RBFOX1: variants seen among roughly 807,000 people sequenced by gnomAD.
RBFOX1 encodes RNA binding protein fox-1 homolog 1.
A neutral mutation model predicts 57.7 loss-of-function variants in RBFOX1; 8 were observed. That is an observed-to-expected ratio of 0.14 (90% CI 0.08 to 0.25). The LOEUF (loss-of-function observed/expected upper bound fraction) is 0.25, where lower values mean the gene tolerates loss of function less well. RBFOX1 is among the 10% of genes least tolerant of loss of function. The probability of loss-of-function intolerance (pLI) is 1.00; values close to 1 mark genes in which losing one functional copy is unlikely to be tolerated. For synonymous variants in RBFOX1, 326 were observed against 222.4 expected (o/e 1.47, Z -4.15); for missense variants, 611 against 548.5 (o/e 1.11, Z -1.14).
At chr16:7,496,655 G>C (rs2068735312) in intron 4 of RBFOX1, among the ~76,000 whole-genome samples, 1 of 143,544 alleles carries the variant, frequency 7.0e-6, no homozygotes, top group African/African-American at 2.6e-5. Context: ...TTACTTGAAT[G>C]TATTTACATT....
intron 4 of RBFOX1, among the ~76,000 whole-genome samples, chr16:7,513,218 C>T (rs1302789468): frequency 1.3e-5 from 2 of 151,858 alleles, no homozygotes; most frequent in Non-Finnish European, 1.5e-5. Flanking sequence ...AGCCGAGAGC[C>T]TACCATTGCA....
At chr16:7,705,048 G>GA (rs36086189) in intron 14 of RBFOX1, among the ~76,000 whole-genome samples, 7 of 129,846 alleles carry the variant, frequency 5.4e-5, no homozygotes, top group African/African-American at 1.4e-4. Context: ...TGTCTCAAAA[G>GA]AAAAAAAAAA....
chr16:5,657,417 A>G (rs546621272), intron 3 of RBFOX1, among the ~76,000 whole-genome samples: 77 of 152,300 alleles, frequency 5.1e-4, no homozygotes, highest in African/African-American at 1.8e-3. Context: ...TTGGGACTGG[A>G]GTGAATAAAG....
chr16:7,270,449 C>T (rs1001080505), intron 4 of RBFOX1, among the ~76,000 whole-genome samples: 1 of 152,052 alleles, frequency 6.6e-6, no homozygotes, highest in Admixed American at 6.6e-5. Context: ...CAGATTCAGA[C>T]CTTATGGAAA....
intron 4 of RBFOX1, among the ~76,000 whole-genome samples, chr16:7,200,339 G>C (rs1434703629): frequency 1.3e-5 from 2 of 152,170 alleles, no homozygotes; most frequent in Non-Finnish European, 2.9e-5. Flanking sequence ...CCTGTCTTAT[G>C]GAAGAGCCTG....
chr16:6,598,130 C>T (rs1298815267), intron 2 of RBFOX1, among the ~76,000 whole-genome samples: 2 of 152,194 alleles, frequency 1.3e-5, no homozygotes, highest in Admixed American at 6.5e-5. Flanking sequence ...ACCAATGTAT[C>T]CACATCCGTG....
chr16:6,919,680 A>C (rs929225140), intron 3 of RBFOX1, among the ~76,000 whole-genome samples: 2 of 152,126 alleles, frequency 1.3e-5, no homozygotes, highest in African/African-American at 2.4e-5. Flanking sequence ...ATCCAGATCC[A>C]TAAGACATTG....
At chr16:5,624,796 C>T (rs932509077) in intron 3 of RBFOX1, among the ~76,000 whole-genome samples, 1 of 152,208 alleles carries the variant, frequency 6.6e-6, no homozygotes, top group Non-Finnish European at 1.5e-5. Flanking sequence ...ATGCTGAGTG[C>T]CAGGTGGCAT....
intron 1 of RBFOX1, among the ~76,000 whole-genome samples, chr16:6,153,033 G>GTTTTTTTTTTTTTTTTTTTTTA (rs59957159): frequency 3.9e-5 from 5 of 128,130 alleles, no homozygotes; most frequent in Non-Finnish European, 5.0e-5. Flanking sequence ...GTTATTTTCT[G>GTTTTTTTTTTTTTTTTTTTTTA]TTTTTTTTTT....
At chr16:5,924,434 G>A (rs1473446184) in intron 4 of RBFOX1, among the ~76,000 whole-genome samples, 3 of 152,124 alleles carry the variant, frequency 2.0e-5, no homozygotes, top group African/African-American at 7.2e-5. Context: ...TCCCTGGCAG[G>A]GGAATGCGAT....
intron 2 of RBFOX1, among the ~76,000 whole-genome samples, chr16:5,521,309 C>G (rs1271484188): frequency 1.3e-5 from 2 of 150,298 alleles, no homozygotes; most frequent in Non-Finnish European, 3.0e-5. Context: ...CAACTGCTGC[C>G]CCAGGTCCGT....
At chr16:7,102,380 G>C (rs1287701218) in intron 4 of RBFOX1, among the ~76,000 whole-genome samples, 3 of 152,178 alleles carry the variant, frequency 2.0e-5, no homozygotes, top group African/African-American at 7.2e-5. Context: ...ATTGTCTTTA[G>C]TGAAGTGTTA....
chr16:5,879,424 A>C (rs544489944), intron 4 of RBFOX1, among the ~76,000 whole-genome samples: 1 of 152,312 alleles, frequency 6.6e-6, no homozygotes, highest in East Asian at 1.9e-4. Context: ...TCCGCCTCCC[A>C]GGTTCAACGA....
intron 4 of RBFOX1, among the ~76,000 whole-genome samples, chr16:7,445,442 A>C (rs1365029637): frequency 6.6e-6 from 1 of 152,182 alleles, no homozygotes; most frequent in East Asian, 1.9e-4. Flanking sequence ...CTGGATCTGC[A>C]TAACTAGGAC....
At chr16:5,468,032 G>A (rs534663909) in intron 2 of RBFOX1, among the ~76,000 whole-genome samples, 1 of 152,274 alleles carries the variant, frequency 6.6e-6, no homozygotes, top group East Asian at 1.9e-4. Context: ...CGGAATCTAT[G>A]CTTGCTGTCA....
intron 3 of RBFOX1, among the ~76,000 whole-genome samples, chr16:5,863,504 C>G (rs2057275718): frequency 6.6e-6 from 1 of 152,196 alleles, no homozygotes; most frequent in South Asian, 2.1e-4. Context: ...TCTGGCTTGC[C>G]CAGCGTGCAG....
chr16:7,136,851 T>C (rs2072158155), intron 4 of RBFOX1, among the ~76,000 whole-genome samples: 1 of 152,214 alleles, frequency 6.6e-6, no homozygotes, highest in Non-Finnish European at 1.5e-5. Context: ...TAATGCTACA[T>C]GGGTTTATTT....
rs565284092 is a variant in RBFOX1 at position 6,916,065 on chromosome 16, C to G, written c.-15-135992C>G. On this transcript the variant is annotated intron_variant, in intron 3 of 15. Coordinates refer to ENST00000550418, the MANE Select transcript of RBFOX1 (RefSeq NM_018723.4). ...GACAGAGCTCCACACTGCTACTCCC[C>G]AGACCCAGGGCTTATATACCTTAGG... Among the ~76,000 whole-genome samples, 5 of 152,258 alleles carry G rather than the reference C, an allele frequency of 3.3e-5. No individual in the cohort carries two copies. The East Asian group carries it at 5.8e-4, about 18-fold the overall frequency.
chr16:5,794,236 G>A (rs1457108835), intron 3 of RBFOX1, among the ~76,000 whole-genome samples: 1 of 152,108 alleles, frequency 6.6e-6, no homozygotes, highest in Non-Finnish European at 1.5e-5. Flanking sequence ...TTACAAAATG[G>A]TCCTTCTTCC....
Sources: allele counts gnomAD v4.1 joint callset (sites outside exome capture counted in the v4.1 genomes callset), GRCh38; gene constraint gnomAD v4.1.1; transcripts MANE v1.5; gene names NCBI Gene and HGNC (gene_info 2026-07-23, HGNC 2026-07-21).